The following DOCK7 variants were observed in gnomAD, a reference collection of about 807,000 sequenced individuals.
DOCK7 encodes dedicator of cytokinesis 7, also known as dedicator of cytokinesis protein 7.
In DOCK7, 138 loss-of-function variants were observed where a neutral mutation model predicts 271.0. The ratio of observed to expected loss-of-function variants is 0.51; its 90% CI spans 0.44 to 0.59. The LOEUF is 0.59. Ranked by LOEUF, DOCK7 falls within the 20% of genes least tolerant of loss-of-function variation. The pLI is 0.00. For synonymous variants in DOCK7, 823 were observed against 876.1 expected, an observed-to-expected ratio of 0.94 and a Z score of 1.07; for missense variants, 2,066 against 2,592.4, an observed-to-expected ratio of 0.80 and a Z score of 4.41.
At chr1:62,483,174 A>ATTTTTTTTTTTTTTTTTTTTTTTTTTTT (rs57648164) in intron 43 of DOCK7, 1 of 70,172 alleles carries the variant, frequency 1.4e-5, no homozygotes, top group Non-Finnish European at 3.0e-5. Context: ...TGCCCAGCTA[A>ATTTTTTTTTTTTTTTTTTTTTTTTTTTT]TTTTTTTTTT....
intron 14 of DOCK7, chr1:62,605,097 A>C (rs1301673222): frequency 3.6e-6 from 1 of 278,454 alleles, no homozygotes; most frequent in Non-Finnish European, 6.8e-6. Flanking sequence ...CAATAGGTGA[A>C]CTTATTAAAT....
chr1:62,504,967 C>G (rs1328204298), intron 36 of DOCK7, among the ~76,000 whole-genome samples, 185 bp from the exon 37 acceptor site: 2 of 152,128 alleles, frequency 1.3e-5, no homozygotes, highest in Non-Finnish European at 2.9e-5. Flanking sequence ...GCTCATTATT[C>G]CACTTACTAA....
At chr1:62,598,866 T>C (rs1649690953) in intron 14 of DOCK7, 4 of 1,010,580 alleles carry the variant, frequency 4.0e-6, no homozygotes, top group Non-Finnish European at 6.2e-6. Flanking sequence ...AAACACTGAA[T>C]CCTAAAATTA....
At chr1:62,596,331 C>T (rs1649242488) in intron 14 of DOCK7, among the ~76,000 whole-genome samples, 1 of 152,126 alleles carries the variant, frequency 6.6e-6, no homozygotes, top group Non-Finnish European at 1.5e-5. Flanking sequence ...CTGACTCCAG[C>T]ACCCATATTC....
In DOCK7 at chr1:62,488,808, C is replaced by T. The variant is rs747215730; in HGVS notation, c.5493+126G>A. 28 of 1,214,988 alleles carry T rather than the reference C, an allele frequency of 2.3e-5. No individual in the cohort carries two copies. In the African/African-American group the frequency reaches 2.5e-4, roughly 11 times the overall value. 75.3% of individuals were successfully genotyped at this position (1,214,988 alleles called of 1,614,324 possible). Reference sequence around the variant, plus strand: ...TTTGGCCATGAACTATCATTTTGACCGCTCATTTGTAGTCTGATTAAAATG... The same window carrying T: ...TTTGGCCATGAACTATCATTTTGACTGCTCATTTGTAGTCTGATTAAAATG... On this transcript the variant is annotated intron_variant, in intron 42 of 49. Coordinates refer to ENST00000635253, the MANE Select transcript of DOCK7 (RefSeq NM_001367561.1).
intron 49 of DOCK7, among the ~76,000 whole-genome samples, chr1:62,456,428 G>A (rs1645350093): frequency 6.6e-6 from 1 of 152,096 alleles, no homozygotes; most frequent in South Asian, 2.1e-4. Flanking sequence ...GTTAAGCCAT[G>A]AGGCTTAATA....
At chr1:62,628,776 C>T (rs1268434829) in intron 11 of DOCK7, 1 of 152,116 alleles carries the variant, frequency 6.6e-6, no homozygotes, top group Non-Finnish European at 1.5e-5. Context: ...AGAAAATTTG[C>T]TATCATATAT....
At chr1:62,495,798 T>C (rs1646603365) in intron 38 of DOCK7, 117 bp from the exon 39 acceptor site, 2 of 792,142 alleles carry the variant, frequency 2.5e-6, no homozygotes, top group Non-Finnish European at 3.9e-6. Flanking sequence ...AGTTGTAGGA[T>C]ACTGATATGA....
chr1:62,534,005 T>G (rs1378029098), intron 29 of DOCK7, among the ~76,000 whole-genome samples: 28 of 57,134 alleles, frequency 4.9e-4, no homozygotes, highest in East Asian at 6.9e-4. Flanking sequence ...CACATCAAGC[T>G]TTTTTTTTTT....
At chr1:62,544,758 A>G (rs1001732143) in intron 23 of DOCK7, among the ~76,000 whole-genome samples, 189 bp downstream of exon 23, 1 of 152,236 alleles carries the variant, frequency 6.6e-6, no homozygotes, top group Non-Finnish European at 1.5e-5. Flanking sequence ...GAAATAGGAA[A>G]GAAGAACATT....
chr1:62,587,354 C>CTA (rs1557761181), intron 14 of DOCK7, among the ~76,000 whole-genome samples: 2 of 145,958 alleles, frequency 1.4e-5, no homozygotes, highest in Non-Finnish European at 3.0e-5. Flanking sequence ...TGAAGACTAG[C>CTA]GTTTAGAGCC....
At position 62,555,848 on chromosome 1, in the gene DOCK7, G is replaced by C. The variant is rs766957820; in HGVS notation, c.2573C>G (p.Thr858Ser). Residue 858 changes from threonine (T) to serine (S), a missense_variant, in exon 21 of 50, where the codon ACT becomes AGT. By Grantham distance (58) the Thr-to-Ser change is moderately conservative. This residue lies in a region of DOCK7 where 1,414 missense variants were observed against 1,670.4 expected (regional missense o/e 0.85). Coordinates refer to ENST00000635253, the MANE Select transcript of DOCK7 (RefSeq NM_001367561.1). ...YIHYVFRLPN[T>S]YPNSSSPGPG... ...ACCTGGTGATGATGAATTAGGGTAA[G>C]TATTTGGTAGGCGGAAAACATAATG... 1.2e-6 allele frequency: 2 copies of C among 1,612,962 alleles called. No individual in the cohort carries two copies. Among genetic ancestry groups the C allele is most frequent in the African/African-American group, 2.7e-5 (2 of 75,014 alleles).
intron 6 of DOCK7, 103 bp from the exon 7 acceptor site, chr1:62,647,879 A>T: frequency 1.1e-6 from 1 of 933,812 alleles, no homozygotes. Flanking sequence ...TAGTCTTCAC[A>T]ATAGAACATA....
In DOCK7 at chr1:62,584,218, CTTTTA is replaced by C. The variant is rs1213006058; in HGVS notation, c.1801-969_1801-965del. On this transcript the variant is annotated intron_variant, in intron 15 of 49. Coordinates refer to ENST00000635253, the MANE Select transcript of DOCK7 (RefSeq NM_001367561.1). ...CTTTTTGCAACATTTCAAGCAGGCT[CTTTTA>C]TTTTAAGGGTATGTACAAGTGTAAT... The C allele has an allele frequency of 6.1e-6, 6 of 983,056 alleles. No homozygotes were observed. The African/African-American group carries it at 7.0e-5, about 11-fold the overall frequency. 60.9% of individuals were successfully genotyped at this position (983,056 alleles called of 1,614,324 possible).
intron 1 of DOCK7, among the ~76,000 whole-genome samples, chr1:62,683,133 A>G (rs1040408731): frequency 1.3e-5 from 2 of 152,246 alleles, no homozygotes; most frequent in Non-Finnish European, 2.9e-5. Context: ...ATGGCAAGAT[A>G]TTAAGACATA....
At chr1:62,610,217 A>C (rs1473132819) in intron 14 of DOCK7, among the ~76,000 whole-genome samples, 1 of 152,172 alleles carries the variant, frequency 6.6e-6, no homozygotes, top group Non-Finnish European at 1.5e-5. Context: ...TGGTATAACA[A>C]GGACAAAACC....
chr1:62,553,316 A>T (rs11207988), intron 21 of DOCK7, among the ~76,000 whole-genome samples: 30,439 of 77,910 alleles, frequency 0.39, 4,926 homozygotes, highest in South Asian at 0.54. Context: ...AGTATTTTAT[A>T]TATATATATA....
At chr1:62,476,795 C>A (rs967897503) in intron 44 of DOCK7, among the ~76,000 whole-genome samples, 1 of 152,092 alleles carries the variant, frequency 6.6e-6, no homozygotes, top group Admixed American at 6.6e-5. Context: ...CCACTGCTAT[C>A]CCAAAGGTAA....
chr1:62,685,060 T>C (rs374858231), intron 1 of DOCK7, among the ~76,000 whole-genome samples: 4 of 152,326 alleles, frequency 2.6e-5, no homozygotes, highest in African/African-American at 9.6e-5. Flanking sequence ...AGGATTATCA[T>C]TTCCAACAAA....
Sources: allele counts gnomAD v4.1 joint callset (sites outside exome capture counted in the v4.1 genomes callset), GRCh38; gene constraint gnomAD v4.1.1; regional missense constraint gnomAD v4.1.1; transcripts MANE v1.5; gene names NCBI Gene and HGNC (gene_info 2026-07-23, HGNC 2026-07-21).